Variants in COL15A1 observed in about 807,000 individuals in gnomAD.
COL15A1 encodes collagen type XV alpha 1 chain.
Under a neutral mutation model 165.9 loss-of-function variants are expected in COL15A1, and 111 were observed. That is an observed-to-expected ratio of 0.67 (90% CI 0.57 to 0.78). The LOEUF is 0.78. Among genes scored for constraint, COL15A1 ranks in the 30% least tolerant of loss-of-function variants. COL15A1 has a pLI of 0.00. For missense variants in COL15A1, 1,745 were observed against 1,789.7 expected (o/e 0.98, Z 0.45); for synonymous variants, 659 against 674.8 (o/e 0.98, Z 0.36).
rs57538642 is a variant in COL15A1 at position 99,042,935 on chromosome 9, C to T, written c.2574+828C>T. Among the ~76,000 whole-genome samples, 236 of 152,220 alleles carry T rather than the reference C, an allele frequency of 1.6e-3. 1 individual carries two copies. In the East Asian group the frequency reaches 0.027, roughly 17 times the overall value. ...CTCATCCATCTTTCGTCCACTGACC[C>T]GTGTGGTGTGCCAGGCAGTTTCCTG... On this transcript the variant is annotated intron_variant, in intron 24 of 41. Coordinates refer to ENST00000375001, the MANE Select transcript of COL15A1 (RefSeq NM_001855.5).
chr9:98,981,425 C>T (rs1838234279), intron 2 of COL15A1, among the ~76,000 whole-genome samples: 2 of 151,764 alleles, frequency 1.3e-5, no homozygotes, highest in African/African-American at 2.4e-5. Context: ...CCACTGCACT[C>T]CAGCCTGGTC....
intron 21 of COL15A1, among the ~76,000 whole-genome samples, chr9:99,036,916 C>G (rs979138443): frequency 7.2e-5 from 11 of 152,196 alleles, no homozygotes; most frequent in Non-Finnish European, 1.3e-4. Flanking sequence ...CTGGGCATGC[C>G]CCTTGGTGCT....
chr9:99,057,709 T>C (rs150910638), intron 35 of COL15A1, among the ~76,000 whole-genome samples: 2 of 152,298 alleles, frequency 1.3e-5, no homozygotes, highest in Non-Finnish European at 2.9e-5. Flanking sequence ...GCCTGTGTTA[T>C]TTCTACTATG....
chr9:98,949,298 T>C (rs566495406), intron 2 of COL15A1, among the ~76,000 whole-genome samples: 1 of 152,366 alleles, frequency 6.6e-6, no homozygotes, highest in South Asian at 2.1e-4. Context: ...TCTCCAACAT[T>C]TGGGTTGTTT....
chr9:98,989,268 G>A lies in COL15A1; in HGVS notation c.804+10G>A, dbSNP rs1020257945. 1.9e-5 allele frequency: 30 copies of A among 1,606,376 alleles called. No homozygotes were observed. Among genetic ancestry groups the A allele is most frequent in the Non-Finnish European group, 2.6e-5 (30 of 1,173,596 alleles). The stretch of plus-strand genomic sequence containing the variant: ...CTACACTCAAGCCTCGGTGAGTACT[G>A]GGATGCTGTGCCATGTGATCTTGCT... On this transcript the variant is annotated intron_variant, in intron 5 of 41. Coordinates refer to ENST00000375001, the MANE Select transcript of COL15A1 (RefSeq NM_001855.5).
In COL15A1 at chr9:99,042,806, T is replaced by C. The variant is rs115867366; in HGVS notation, c.2574+699T>C. Among the ~76,000 whole-genome samples, 427 of 152,312 alleles carry C rather than the reference T, an allele frequency of 2.8e-3. 2 individuals are homozygous for C. The highest frequency in any genetic ancestry group is 9.2e-3 in the African/African-American group (382 of 41,562). ...CAAACCTATTGTTGTGCTTGTATTC[T>C]TTTGTGTTTGCCTCTTAGAATTAAC... On this transcript the variant is annotated intron_variant, in intron 24 of 41. Transcript: ENST00000375001.
chr9:98,969,029 G>T (rs1193808859), intron 2 of COL15A1, among the ~76,000 whole-genome samples: 1 of 152,180 alleles, frequency 6.6e-6, no homozygotes, highest in African/African-American at 2.4e-5. Flanking sequence ...CATGTTAATT[G>T]TTCCTCATAC....
intron 2 of COL15A1, among the ~76,000 whole-genome samples, chr9:98,959,567 C>T (rs866382676): frequency 1.4e-4 from 21 of 151,990 alleles, no homozygotes; most frequent in South Asian, 4.2e-4. Context: ...CAGTGTACTT[C>T]AGCCTGGGCA....
Position 99,067,000 on chromosome 9 carries a change from A to G in COL15A1, c.3770A>G (p.His1257Arg), listed in dbSNP as rs756057838. 4.3e-6 allele frequency: 7 copies of G among 1,614,110 alleles called. No homozygotes were observed. The Admixed American group carries it at 1.2e-4, about 27-fold the overall frequency. ...LSTYRAFLSS[H>R]LQDLSTIVRK... ...ACCTACCGAGCATTCTTATCTTCCC[A>G]TTTGCAAGATCTGTCCACCATTGTG... Residue 1257 changes from histidine (H) to arginine (R), a missense_variant, in exon 40 of 42, where the codon CAT becomes CGT. By Grantham distance (29) the His-to-Arg change is conservative. Transcript: ENST00000375001.
chr9:98,989,734 G>A (rs7859159), intron 5 of COL15A1, among the ~76,000 whole-genome samples: 13,054 of 152,200 alleles, frequency 0.086, 1,444 homozygotes, highest in African/African-American at 0.25. Flanking sequence ...TTTGCTCAGT[G>A]CTCCAGCTGT....
chr9:98,959,800 C>G (rs1837838363), intron 2 of COL15A1, among the ~76,000 whole-genome samples: 1 of 152,190 alleles, frequency 6.6e-6, no homozygotes, highest in Non-Finnish European at 1.5e-5. Context: ...GTCTAAAACA[C>G]AGGTCCCATC....
rs373832733 is a variant in COL15A1, at chr9:98,964,685, C to T, written c.100+20435C>T. Among the ~76,000 whole-genome samples, 5 of 152,360 alleles carry T rather than the reference C, an allele frequency of 3.3e-5. No individual in the cohort carries two copies. The South Asian group carries it at 6.2e-4, about 19-fold the overall frequency. On this transcript the variant is annotated intron_variant, in intron 2 of 41. Transcript: ENST00000375001. Reference sequence around the variant, plus strand: ...TACCAAGCTCTGTATGAGGCCCTTTCCCATGCCATCTTCCGGGTCATGGGA... The same window carrying T: ...TACCAAGCTCTGTATGAGGCCCTTTTCCATGCCATCTTCCGGGTCATGGGA...
At chr9:99,021,304 G>T (rs2119006363) in intron 12 of COL15A1, among the ~76,000 whole-genome samples, 1 of 152,336 alleles carries the variant, frequency 6.6e-6, no homozygotes, top group Middle Eastern at 3.4e-3. Context: ...GGCTGGGGAG[G>T]GCGGTGTCCT....
chr9:99,027,774 G>A (rs1839150835), intron 16 of COL15A1, among the ~76,000 whole-genome samples: 1 of 152,186 alleles, frequency 6.6e-6, no homozygotes, highest in Non-Finnish European at 1.5e-5. Context: ...GAGGTTTTCT[G>A]ATCAAGCAAA....
chr9:98,978,410 T>C (rs1269787523), intron 2 of COL15A1, among the ~76,000 whole-genome samples: 1 of 152,206 alleles, frequency 6.6e-6, no homozygotes, highest in Non-Finnish European at 1.5e-5. Context: ...TTTTACTCTC[T>C]GTGGCACCAG....
intron 10 of COL15A1, 70 bp from the exon 11 acceptor site, chr9:99,015,906 G>C (rs1007136210): frequency 1.2e-5 from 18 of 1,564,254 alleles, no homozygotes; most frequent in Non-Finnish European, 1.6e-5. Context: ...CCACAGAAAC[G>C]ACTGTTACAA....
intron 30 of COL15A1, among the ~76,000 whole-genome samples, chr9:99,050,826 G>A (rs1839575274): frequency 6.6e-6 from 1 of 152,110 alleles, no homozygotes. Context: ...TTAAGGCTTG[G>A]GTCATAGCCT....
intron 16 of COL15A1, among the ~76,000 whole-genome samples, chr9:99,031,715 C>A (rs1052424717): frequency 6.6e-6 from 1 of 152,096 alleles, no homozygotes; most frequent in Non-Finnish European, 1.5e-5. Context: ...TGTGGAAGTG[C>A]CTTCGGGCTG....
At chr9:98,951,666 G>A (rs1837689592) in intron 2 of COL15A1, among the ~76,000 whole-genome samples, 1 of 152,284 alleles carries the variant, frequency 6.6e-6, no homozygotes, top group East Asian at 1.9e-4. Context: ...CTGGGCTCAA[G>A]GGATCCTCCT....
Sources: allele counts gnomAD v4.1 joint callset (sites outside exome capture counted in the v4.1 genomes callset), GRCh38; gene constraint gnomAD v4.1.1; transcripts MANE v1.5; gene names NCBI Gene and HGNC (gene_info 2026-07-23, HGNC 2026-07-21).